Variants in SLC25A26 observed in about 807,000 individuals in gnomAD.
SLC25A26 encodes solute carrier family 25 member 26.
In SLC25A26, 36 loss-of-function variants were observed where a neutral mutation model predicts 37.8. That is an observed-to-expected ratio of 0.95 (90% CI 0.73 to 1.26). SLC25A26 has a LOEUF of 1.26. Ranked by LOEUF, SLC25A26 falls within the 50% of genes most tolerant of loss-of-function variation. The probability of loss-of-function intolerance (pLI) is 0.00; values close to 1 mark genes in which losing one functional copy is unlikely to be tolerated. For synonymous variants in SLC25A26, 129 were observed against 122.5 expected (o/e 1.05, Z -0.35); for missense variants, 390 against 331.1 (o/e 1.18, Z -1.38).
intron 1 of SLC25A26, among the ~76,000 whole-genome samples, chr3:66,159,954 G>A (rs985654393): frequency 1.3e-5 from 2 of 152,068 alleles, no homozygotes; most frequent in Admixed American, 6.5e-5. Flanking sequence ...GCCCTGATTC[G>A]CTCAACTCTA....
At chr3:66,231,416 A>G (rs1022382507) in intron 1 of SLC25A26, among the ~76,000 whole-genome samples, 4 of 152,114 alleles carry the variant, frequency 2.6e-5, no homozygotes, top group Admixed American at 1.3e-4. Context: ...GCTTTTATAT[A>G]TTTGTAATAT....
intron 1 of SLC25A26, among the ~76,000 whole-genome samples, chr3:66,140,320 G>A (rs564643340): frequency 6.6e-6 from 1 of 152,184 alleles, no homozygotes; most frequent in Non-Finnish European, 1.5e-5. Flanking sequence ...TGAGTCATGT[G>A]CTCATCCTGT....
chr3:66,224,484 C>G (rs1261271254), intron 1 of SLC25A26, among the ~76,000 whole-genome samples: 1 of 152,152 alleles, frequency 6.6e-6, no homozygotes, highest in East Asian at 1.9e-4. Context: ...AGGGAAAGAC[C>G]TGCCCCCATG....
At chr3:66,137,441 T>G (rs996919778) in intron 1 of SLC25A26, among the ~76,000 whole-genome samples, 3 of 152,104 alleles carry the variant, frequency 2.0e-5, no homozygotes, top group Non-Finnish European at 4.4e-5. Flanking sequence ...TTGGCCAAGA[T>G]GGTCTCAAAC....
chr3:66,298,905 C>A (rs963499866), intron 5 of SLC25A26, among the ~76,000 whole-genome samples: 1 of 152,114 alleles, frequency 6.6e-6, no homozygotes, highest in Non-Finnish European at 1.5e-5. Context: ...CTTTTCCCTC[C>A]CCCAGATCCC....
rs1308912004 is a variant in SLC25A26, at chr3:66,202,244, A to G, written c.-353-18498A>G. Among the ~76,000 whole-genome samples the G allele has an allele frequency of 7.9e-5, 12 of 152,280 alleles. No individual in the cohort carries two copies. The East Asian group carries it at 2.1e-3, about 27-fold the overall frequency. Reference sequence around the variant, plus strand: ...GATAAAGCTGGAAGCCATCATTCTCAGTAAACTAACACAGGAACAGAAAAC... The same window carrying G: ...GATAAAGCTGGAAGCCATCATTCTCGGTAAACTAACACAGGAACAGAAAAC... On this transcript the variant is annotated intron_variant, in intron 1 of 10. Coordinates refer to the SLC25A26 transcript ENST00000676754.
Position 66,236,654 on chromosome 3 carries a change from A to G in SLC25A26, c.144A>G (p.Gly48=), listed in dbSNP as rs898403466. The change falls in exon 2 of 10, where the codon GGA becomes GGG. Residue 48 remains glycine (G), a synonymous_variant. Coordinates refer to ENST00000354883, the MANE Select transcript of SLC25A26 (RefSeq NM_001379210.1). The part of the protein sequence containing the change: ...QGFSKAGGFH[G]IYAGVPSAAI... Reference sequence around the variant, plus strand: ...TTAGTAAGGCTGGTGGTTTTCATGGAATATATGCTGGCGTTCCTTCTGCTG... The same window carrying G: ...TTAGTAAGGCTGGTGGTTTTCATGGGATATATGCTGGCGTTCCTTCTGCTG... The G allele has an allele frequency of 2.6e-6, 4 of 1,528,782 alleles. No individual in the cohort carries two copies. The Admixed American group carries it at 7.9e-5, about 30-fold the overall frequency. The allele number at this position is 1,528,782 out of a possible 1,614,324, so 94.7% of individuals were successfully genotyped here.
At chr3:66,140,334 C>T (rs1351420816) in intron 1 of SLC25A26, among the ~76,000 whole-genome samples, 1 of 151,994 alleles carries the variant, frequency 6.6e-6, no homozygotes, top group Non-Finnish European at 1.5e-5. Flanking sequence ...ATCCTGTGAG[C>T]CCTGAGTTTA....
At chr3:66,293,349 G>A (rs2074781227) in intron 5 of SLC25A26, 1 of 151,910 alleles carries the variant, frequency 6.6e-6, no homozygotes, top group Admixed American at 6.6e-5. Context: ...ACACCCCTTT[G>A]GGGTTGGGAT....
At chr3:66,329,812 C>T (rs2107675277) in intron 5 of SLC25A26, among the ~76,000 whole-genome samples, 1 of 152,278 alleles carries the variant, frequency 6.6e-6, no homozygotes, top group East Asian at 1.9e-4. Context: ...ATCCTCCTGC[C>T]TCAGACTCCC....
intron 1 of SLC25A26, among the ~76,000 whole-genome samples, chr3:66,170,813 T>G (rs1029057029): frequency 5.9e-5 from 8 of 134,482 alleles, no homozygotes; most frequent in African/African-American, 2.3e-4. Context: ...TTTTTTTTTT[T>G]TTTTTTTTGA....
chr3:66,370,622 C>T lies in SLC25A26; in HGVS notation c.707+20C>T, dbSNP rs905017900. ...GGCAGGGTAAGACGAGGAATGCCCT[C>T]CTTCCTTTCTTCCTCTCCACCACTC... On this transcript the variant is annotated intron_variant, in intron 9 of 9. Coordinates refer to ENST00000354883, the MANE Select transcript of SLC25A26 (RefSeq NM_001379210.1). The T allele has an allele frequency of 3.1e-6, 5 of 1,602,874 alleles. No individual in the cohort carries two copies. The highest frequency in any genetic ancestry group is 4.3e-6 in the Non-Finnish European group (5 of 1,171,104).
At chr3:66,266,275 TAAG>T (rs1260742057) in intron 5 of SLC25A26, among the ~76,000 whole-genome samples, 12 of 152,138 alleles carry the variant, frequency 7.9e-5, no homozygotes, top group African/African-American at 2.7e-4. Flanking sequence ...ATGAGAAAAA[TAAG>T]AAGTGATACA....
At chr3:66,286,992 T>C (rs1057090464) in intron 5 of SLC25A26, among the ~76,000 whole-genome samples, 3 of 151,944 alleles carry the variant, frequency 2.0e-5, no homozygotes, top group African/African-American at 7.3e-5. Context: ...ATATGATGGC[T>C]ATCTTAAAAA....
intron 5 of SLC25A26, among the ~76,000 whole-genome samples, chr3:66,268,784 C>T (rs2073852934): frequency 6.6e-6 from 1 of 152,158 alleles, no homozygotes; most frequent in South Asian, 2.1e-4. Context: ...GGTGGTTTCC[C>T]TCATGCTCTT....
chr3:66,372,982 T>C (rs1700433049), intron 9 of SLC25A26, among the ~76,000 whole-genome samples: 1 of 152,200 alleles, frequency 6.6e-6, no homozygotes, highest in South Asian at 2.1e-4. Context: ...ACTTTTATCT[T>C]TCCGTGTGGT....
chr3:66,267,040 CT>C (rs2073781213), intron 5 of SLC25A26, among the ~76,000 whole-genome samples: 1 of 152,170 alleles, frequency 6.6e-6, no homozygotes, highest in Non-Finnish European at 1.5e-5. Flanking sequence ...CCTACTGGGT[CT>C]TGGGGCACTA....
At chr3:66,298,676 T>C (rs1303318677) in intron 5 of SLC25A26, among the ~76,000 whole-genome samples, 1 of 152,170 alleles carries the variant, frequency 6.6e-6, no homozygotes, top group Non-Finnish European at 1.5e-5. Context: ...TCCTCAGTGC[T>C]AAAAGCTGCT....
chr3:66,335,847 G>A (rs917025244), intron 5 of SLC25A26, among the ~76,000 whole-genome samples: 2 of 152,136 alleles, frequency 1.3e-5, no homozygotes, highest in African/African-American at 4.8e-5. Flanking sequence ...TAACAGGGCT[G>A]CTTTCAAAGG....
Sources: allele counts gnomAD v4.1 joint callset (sites outside exome capture counted in the v4.1 genomes callset), GRCh38; gene constraint gnomAD v4.1.1; transcripts MANE v1.5; gene names NCBI Gene and HGNC (gene_info 2026-07-23, HGNC 2026-07-21).